ME3: variants seen among roughly 807,000 people sequenced by gnomAD.
ME3 encodes the protein malic enzyme 3, also known as NADP-dependent malic enzyme, mitochondrial.
A neutral mutation model predicts 68.9 loss-of-function variants in ME3; 48 were observed. That is an observed-to-expected ratio of 0.70 (90% CI 0.55 to 0.89). ME3 has a LOEUF of 0.89. Ranked by LOEUF, ME3 falls within the 40% of genes least tolerant of loss-of-function variation. ME3 has a pLI of 0.00. For missense variants in ME3, 675 were observed against 797.4 expected, an observed-to-expected ratio of 0.85 and a Z score of 1.85; for synonymous variants, 320 against 318.8, an observed-to-expected ratio of 1.00 and a Z score of -0.04.
intron 2 of ME3, among the ~76,000 whole-genome samples, chr11:86,663,291 A>G (rs1946396185): frequency 6.6e-6 from 1 of 152,144 alleles, no homozygotes; most frequent in South Asian, 2.1e-4. Context: ...GGATCTTTCT[A>G]TCAAAAATCC....
At chr11:86,485,207 G>C (rs12224723) in intron 7 of ME3, among the ~76,000 whole-genome samples, 1 of 152,040 alleles carries the variant, frequency 6.6e-6, no homozygotes, top group Admixed American at 6.5e-5. Context: ...TCTGAAAGAA[G>C]AGCTTTTAGA....
rs1472492420 is a variant in ME3, at chr11:86,603,124, A to T, written c.184-43301T>A. Among the ~76,000 whole-genome samples, 4 of 152,204 alleles carry T rather than the reference A, an allele frequency of 2.6e-5. 1 individual carries two copies. Among genetic ancestry groups the T allele is most frequent in the South Asian group, 4.1e-4 (2 of 4,834 alleles). ...GTATCTAATTAAACTAAAGAGCTTCAGCACAGCAAAAGAAACTACCATCAG... is the reference window on the plus strand; with the variant it reads ...GTATCTAATTAAACTAAAGAGCTTCTGCACAGCAAAAGAAACTACCATCAG... On this transcript the variant is annotated intron_variant, in intron 2 of 14. Coordinates refer to ENST00000543262, the Ensembl canonical transcript of ME3.
intron 4 of ME3, among the ~76,000 whole-genome samples, chr11:86,526,096 G>A (rs764040083): frequency 6.6e-6 from 1 of 152,204 alleles, no homozygotes; most frequent in East Asian, 1.9e-4. Flanking sequence ...AAGCACAAGG[G>A]GTCAGGGAGT....
chr11:86,600,967 A>G (rs571058777), intron 2 of ME3, among the ~76,000 whole-genome samples: 130 of 151,498 alleles, frequency 8.6e-4, no homozygotes, highest in Middle Eastern at 6.8e-3. Context: ...GTAGAGGGAA[A>G]TTTATAGCAC....
chr11:86,629,067 C>T (rs1594722595), intron 2 of ME3, among the ~76,000 whole-genome samples: 2 of 152,218 alleles, frequency 1.3e-5, no homozygotes, highest in South Asian at 4.1e-4. Context: ...ATGCGTGCCC[C>T]TTGTTCCTGC....
intron 2 of ME3, among the ~76,000 whole-genome samples, chr11:86,565,219 C>T (rs776258966): frequency 6.6e-6 from 1 of 152,004 alleles, no homozygotes; most frequent in Non-Finnish European, 1.5e-5. Flanking sequence ...ACACACCCCC[C>T]CTAGGAAACA....
chr11:86,471,503 C>G (rs1036029023), intron 7 of ME3, among the ~76,000 whole-genome samples: 3 of 152,102 alleles, frequency 2.0e-5, no homozygotes, highest in African/African-American at 7.2e-5. Context: ...TAATTCTTGT[C>G]TTCTCTGGGG....
chr11:86,657,640 C>G (rs1327368162), intron 2 of ME3, among the ~76,000 whole-genome samples: 1 of 152,094 alleles, frequency 6.6e-6, no homozygotes, highest in South Asian at 2.1e-4. Flanking sequence ...GATAATGCAG[C>G]CCTGCAGTTC....
At position 86,625,100 on chromosome 11, in the gene ME3, T is replaced by G. The variant is rs902812034; in HGVS notation, c.183+46662A>C. Among the ~76,000 whole-genome samples the G allele has an allele frequency of 2.0e-5, 3 of 152,292 alleles. No homozygotes were observed. In the South Asian group the frequency reaches 6.2e-4, roughly 32 times the overall value. The stretch of plus-strand genomic sequence containing the variant: ...AGTACTTTTAATTAAATATTTTTCT[T>G]TAGTATTCTCATTATAAAATAACCA... On this transcript the variant is annotated intron_variant, in intron 2 of 14. Transcript: ENST00000543262.
intron 2 of ME3, among the ~76,000 whole-genome samples, chr11:86,598,239 C>T (rs1018015903): frequency 2.4e-4 from 37 of 152,308 alleles, no homozygotes; most frequent in African/African-American, 4.3e-4. Flanking sequence ...TCGGGCCATT[C>T]GCACCCGAAT....
At chr11:86,573,790 A>G (rs964373373) in intron 2 of ME3, among the ~76,000 whole-genome samples, 1 of 152,128 alleles carries the variant, frequency 6.6e-6, no homozygotes, top group South Asian at 2.1e-4. Context: ...CTCTTATTAT[A>G]TTGAGATATG....
chr11:86,628,557 G>A (rs1943808407), intron 2 of ME3, among the ~76,000 whole-genome samples: 2 of 152,286 alleles, frequency 1.3e-5, no homozygotes, highest in Non-Finnish European at 1.5e-5. Context: ...ACTGTAAAGT[G>A]CAGTCAAAGC....
At chr11:86,668,013 TG>T (rs1946687817) in intron 2 of ME3, 1 of 152,138 alleles carries the variant, frequency 6.6e-6, no homozygotes, top group African/African-American at 2.4e-5. Flanking sequence ...TAGAAGCTCA[TG>T]CGTAGTTAAT....
intron 2 of ME3, among the ~76,000 whole-genome samples, chr11:86,582,909 GAA>G (rs569043456): frequency 2.1e-5 from 3 of 140,176 alleles, no homozygotes; most frequent in African/African-American, 2.6e-5. Context: ...CCATGGTAAG[GAA>G]AAAAAAAAAA....
intron 2 of ME3, among the ~76,000 whole-genome samples, chr11:86,641,473 G>T (rs1380760864): frequency 6.6e-6 from 1 of 152,154 alleles, no homozygotes; most frequent in African/African-American, 2.4e-5. Context: ...ATGCAAATGT[G>T]TTTACAGCCT....
At chr11:86,604,785 C>T (rs1443397674) in intron 2 of ME3, among the ~76,000 whole-genome samples, 2 of 152,066 alleles carry the variant, frequency 1.3e-5, no homozygotes, top group Admixed American at 6.6e-5. Context: ...TTAGAAATTA[C>T]GTCTTAATAG....
chr11:86,585,607 A>C (rs1053535279), intron 2 of ME3, among the ~76,000 whole-genome samples: 2 of 152,142 alleles, frequency 1.3e-5, no homozygotes, highest in Non-Finnish European at 2.9e-5. Context: ...ATATACATTG[A>C]GTTTTCCTTT....
intron 4 of ME3, among the ~76,000 whole-genome samples, chr11:86,542,201 A>T (rs1956091722): frequency 6.6e-6 from 1 of 152,258 alleles, no homozygotes; most frequent in Non-Finnish European, 1.5e-5. Context: ...ATGAGGAAAA[A>T]GCAGCGCAAA....
intron 2 of ME3, among the ~76,000 whole-genome samples, chr11:86,594,094 C>G (rs1259921025): frequency 6.8e-6 from 1 of 146,404 alleles, no homozygotes; most frequent in Non-Finnish European, 1.5e-5. Context: ...AAAAAACAGA[C>G]AAGATATCCC....
Sources: allele counts gnomAD v4.1 joint callset (sites outside exome capture counted in the v4.1 genomes callset), GRCh38; gene constraint gnomAD v4.1.1; transcripts MANE v1.5; gene names NCBI Gene and HGNC (gene_info 2026-07-23, HGNC 2026-07-21).